Variants in KHDRBS2 observed in about 807,000 individuals in gnomAD.
The protein encoded by KHDRBS2 is KH domain-containing, RNA-binding, signal transduction-associated protein 2.
A neutral mutation model predicts 44.3 loss-of-function variants in KHDRBS2; 26 were observed. The ratio of observed to expected loss-of-function variants is 0.59; its 90% CI spans 0.43 to 0.81. The LOEUF is 0.81. Ranked by LOEUF, KHDRBS2 falls within the 40% of genes least tolerant of loss-of-function variation. The pLI, the probability that KHDRBS2 is intolerant of heterozygous loss-of-function variation, is 0.00. For synonymous variants in KHDRBS2, 194 were observed against 151.1 expected (o/e 1.28, Z -2.08); for missense variants, 476 against 433.1 (o/e 1.10, Z -0.88).
intron 3 of KHDRBS2, among the ~76,000 whole-genome samples, chr6:62,040,312 G>A (rs1009609508): frequency 6.6e-5 from 10 of 151,902 alleles, no homozygotes; most frequent in Non-Finnish European, 1.2e-4. Context: ...CCATTAGAAG[G>A]CAGCAGAAAT....
intron 7 of KHDRBS2, among the ~76,000 whole-genome samples, chr6:61,724,503 A>G (rs777700909): frequency 1.3e-5 from 2 of 152,162 alleles, no homozygotes; most frequent in Non-Finnish European, 2.9e-5. Flanking sequence ...GCCCCAATTA[A>G]AAGACAGAAT....
intron 4 of KHDRBS2, among the ~76,000 whole-genome samples, chr6:61,920,558 T>C (rs1404827004): frequency 2.0e-5 from 3 of 152,018 alleles, no homozygotes; most frequent in Non-Finnish European, 4.4e-5. Context: ...TAAGTATATG[T>C]GAATGCACTT....
chr6:62,215,950 A>G (rs1829908812), intron 1 of KHDRBS2, among the ~76,000 whole-genome samples: 1 of 151,880 alleles, frequency 6.6e-6, no homozygotes, highest in Admixed American at 6.6e-5. Context: ...GTCATAAACT[A>G]TATTTCCGTG....
intron 6 of KHDRBS2, among the ~76,000 whole-genome samples, chr6:61,862,703 AC>A (rs1797166028): frequency 6.6e-6 from 1 of 151,882 alleles, no homozygotes; most frequent in Admixed American, 6.6e-5. Context: ...TTTTTGATAT[AC>A]CGCTGAATTC....
At chr6:62,247,779 T>G (rs1310576926) in intron 1 of KHDRBS2, among the ~76,000 whole-genome samples, 1 of 152,102 alleles carries the variant, frequency 6.6e-6, no homozygotes, top group African/African-American at 2.4e-5. Flanking sequence ...CCAATAATTG[T>G]AAAAGATTAG....
chr6:62,224,367 G>A (rs185297352), intron 1 of KHDRBS2, among the ~76,000 whole-genome samples: 1 of 152,268 alleles, frequency 6.6e-6, no homozygotes. Context: ...AGTAATTCAA[G>A]ATAAGATTTG....
chr6:61,967,931 C>T (rs1321526472), intron 4 of KHDRBS2, among the ~76,000 whole-genome samples: 4 of 84,012 alleles, frequency 4.8e-5, no homozygotes, highest in East Asian at 3.3e-4. Context: ...CATACACACA[C>T]GTATATATAT....
At chr6:62,248,370 A>AT (rs543515336) in intron 1 of KHDRBS2, among the ~76,000 whole-genome samples, 23 of 150,036 alleles carry the variant, frequency 1.5e-4, no homozygotes, top group East Asian at 1.2e-3. Context: ...TTATTTTTTC[A>AT]TTTTTTTTAA....
At chr6:61,990,706 C>CTT (rs71770267) in intron 3 of KHDRBS2, among the ~76,000 whole-genome samples, 4 of 145,662 alleles carry the variant, frequency 2.7e-5, no homozygotes, top group Non-Finnish European at 4.5e-5. Flanking sequence ...ATTGGATAAC[C>CTT]TTTTTTTTTT....
At chr6:61,926,827 C>T (rs1809062111) in intron 4 of KHDRBS2, among the ~76,000 whole-genome samples, 1 of 116,368 alleles carries the variant, frequency 8.6e-6, no homozygotes, top group Non-Finnish European at 1.9e-5. Flanking sequence ...CCAGAAACTT[C>T]AAAGAGAAAG....
intron 2 of KHDRBS2, among the ~76,000 whole-genome samples, chr6:62,049,478 G>C (rs1365068717): frequency 8.5e-6 from 1 of 118,018 alleles, no homozygotes; most frequent in Admixed American, 1.0e-4. Context: ...TACTTAATTA[G>C]AAAGCAAAGA....
chr6:61,982,602 T>G (rs1254090017), intron 3 of KHDRBS2, among the ~76,000 whole-genome samples: 1 of 144,774 alleles, frequency 6.9e-6, no homozygotes, highest in African/African-American at 2.6e-5. Context: ...ACCCGGAAGG[T>G]GGAGCTTCCA....
At chr6:61,835,677 T>C (rs922904556) in intron 6 of KHDRBS2, among the ~76,000 whole-genome samples, 1 of 151,558 alleles carries the variant, frequency 6.6e-6, no homozygotes, top group South Asian at 2.1e-4. Context: ...AAAATATAAA[T>C]ATACTGCATC....
the KHDRBS2 span, among the ~76,000 whole-genome samples, chr6:61,602,149 A>G: frequency 6.6e-6 from 1 of 152,156 alleles, no homozygotes; most frequent in Non-Finnish European, 1.5e-5. Flanking sequence ...TCCAAAAATT[A>G]AATTCTGGCC....
At chr6:62,130,599 T>G (rs946185664) in intron 2 of KHDRBS2, among the ~76,000 whole-genome samples, 1 of 151,970 alleles carries the variant, frequency 6.6e-6, no homozygotes, top group African/African-American at 2.4e-5. Context: ...ATTTATATGT[T>G]AATATATAAT....
chr6:61,874,253 C>T (rs1323266428), intron 6 of KHDRBS2, among the ~76,000 whole-genome samples: 1 of 151,844 alleles, frequency 6.6e-6, no homozygotes, highest in African/African-American at 2.4e-5. Context: ...ATGTCTTCAC[C>T]AAAAATAAAT....
At chr6:61,727,004 G>A (rs771888103) in intron 7 of KHDRBS2, among the ~76,000 whole-genome samples, 43 of 152,036 alleles carry the variant, frequency 2.8e-4, no homozygotes, top group Non-Finnish European at 5.6e-4. Context: ...GAGACATCAC[G>A]CTACCTGAAT....
chr6:61,933,273 T>A (rs188504713), intron 4 of KHDRBS2, among the ~76,000 whole-genome samples: 14 of 152,252 alleles, frequency 9.2e-5, no homozygotes, highest in African/African-American at 3.1e-4. Context: ...AATCTGCCCC[T>A]TTGTTCCAAT....
At chr6:61,945,104 A>T (rs1487705461) in intron 4 of KHDRBS2, among the ~76,000 whole-genome samples, 23,982 of 69,156 alleles carry the variant, frequency 0.35, 5,101 homozygotes, top group East Asian at 0.41. Context: ...AAAAAAAAAA[A>T]AAAAAAAAGT....
Sources: allele counts gnomAD v4.1 joint callset (sites outside exome capture counted in the v4.1 genomes callset), GRCh38; gene constraint gnomAD v4.1.1; transcripts MANE v1.5; gene names NCBI Gene and HGNC (gene_info 2026-07-23, HGNC 2026-07-21).